The following EIPR1 variants were observed in gnomAD, a reference collection of about 807,000 sequenced individuals.
EIPR1 encodes the protein EARP complex and GARP complex interacting protein 1, also known as EARP and GARP complex-interacting protein 1.
A neutral mutation model predicts 48.1 loss-of-function variants in EIPR1; 25 were observed. The ratio of observed to expected loss-of-function variants is 0.52; its 90% confidence interval spans 0.38 to 0.73. The LOEUF is 0.73. EIPR1 is among the 30% of genes least tolerant of loss of function. The pLI, the probability that EIPR1 is intolerant of heterozygous loss-of-function variation, is 0.00. For missense variants in EIPR1, 415 were observed against 506.2 expected, an observed-to-expected ratio of 0.82 and a Z score of 1.73; for synonymous variants, 204 against 201.9, an observed-to-expected ratio of 1.01 and a Z score of -0.09.
chr2:3,245,889 T>C (rs1666779180), intron 4 of EIPR1, among the ~76,000 whole-genome samples: 2 of 152,150 alleles, frequency 1.3e-5, no homozygotes, highest in South Asian at 4.1e-4. Flanking sequence ...GGAGACCTCA[T>C]CTCTGCCTAA....
chr2:3,282,434 C>T (rs1668040732), intron 3 of EIPR1: 1 of 152,314 alleles, frequency 6.6e-6, no homozygotes, highest in Non-Finnish European at 1.5e-5. Context: ...TCTTGTGTTC[C>T]CTCGTCACTC....
At chr2:3,287,652 T>TCGTTCACCACAATCCGGAAAGCG (rs1572399253) in intron 3 of EIPR1, among the ~76,000 whole-genome samples, 3 of 148,214 alleles carry the variant, frequency 2.0e-5, no homozygotes, top group East Asian at 4.1e-4. Context: ...TCCGGAAAGC[T>TCGTTCACCACAATCCGGAAAGCG]CGTTCACCAC....
intron 3 of EIPR1, chr2:3,319,978 G>A (rs72765341): frequency 0.21 from 35,968 of 171,078 alleles, 6,790 homozygotes; most frequent in East Asian, 0.63. Context: ...CACCCCTGAG[G>A]CAGAGCAATA....
chr2:3,304,224 C>A (rs1668844763), intron 3 of EIPR1, among the ~76,000 whole-genome samples: 1 of 152,182 alleles, frequency 6.6e-6, no homozygotes, highest in Non-Finnish European at 1.5e-5. Flanking sequence ...GCGTGCTGTG[C>A]GCGGGGAGGT....
intron 1 of EIPR1, among the ~76,000 whole-genome samples, chr2:3,364,010 T>G (rs1319808957): frequency 6.6e-6 from 1 of 152,058 alleles, no homozygotes; most frequent in African/African-American, 2.4e-5. Context: ...AGGCAGAAAA[T>G]AGCAGATGCT....
In EIPR1 at chr2:3,275,655, C is replaced by G. The variant is rs146802634; in HGVS notation, c.260-18200G>C. Among the ~76,000 whole-genome samples, 566 of 152,054 alleles carry G rather than the reference C, an allele frequency of 3.7e-3. 1 individual carries two copies. Among genetic ancestry groups the G allele is most frequent in the Admixed American group, 6.8e-3 (104 of 15,272 alleles). On this transcript the variant is annotated intron_variant, in intron 3 of 8. Coordinates refer to ENST00000382125, the MANE Select transcript of EIPR1 (RefSeq NM_003310.5). The stretch of plus-strand genomic sequence containing the variant: ...ATCCCCCTTTTATGGAAAAGAGACT[C>G]CATATCAACATCAGAATTTCTAAAA...
chr2:3,211,624 A>T (rs1665459774), intron 5 of EIPR1, among the ~76,000 whole-genome samples: 1 of 152,324 alleles, frequency 6.6e-6, no homozygotes, highest in South Asian at 2.1e-4. Flanking sequence ...CAATGGAAAC[A>T]CTGTGTTCCT....
At chr2:3,241,370 C>G (rs933361925) in intron 4 of EIPR1, among the ~76,000 whole-genome samples, 1 of 152,176 alleles carries the variant, frequency 6.6e-6, no homozygotes, top group African/African-American at 2.4e-5. Context: ...CTGGAAATAA[C>G]TGCTGTTATT....
At chr2:3,232,423 T>C (rs1388361846) in intron 4 of EIPR1, among the ~76,000 whole-genome samples, 2 of 152,238 alleles carry the variant, frequency 1.3e-5, no homozygotes, top group Admixed American at 1.3e-4. Flanking sequence ...CTTTTTTTCT[T>C]CATGTAGGCA....
At chr2:3,253,017 T>C (rs1667049016) in intron 4 of EIPR1, among the ~76,000 whole-genome samples, 1 of 152,222 alleles carries the variant, frequency 6.6e-6, no homozygotes, top group African/African-American at 2.4e-5. Context: ...ACGTGCCTCA[T>C]TCTACCTCTC....
intron 3 of EIPR1, among the ~76,000 whole-genome samples, chr2:3,305,417 T>C (rs1232525024): frequency 1.7e-3 from 171 of 98,272 alleles, no homozygotes; most frequent in South Asian, 2.5e-3. Context: ...CAATCCCATC[T>C]AGTTCAACCT....
At chr2:3,210,321 T>C (rs907019615) in intron 5 of EIPR1, among the ~76,000 whole-genome samples, 6 of 152,140 alleles carry the variant, frequency 3.9e-5, no homozygotes, top group African/African-American at 1.4e-4. Flanking sequence ...GAACAACTCC[T>C]CATTCAGGGT....
chr2:3,275,515 T>A (rs1168627479), intron 3 of EIPR1, among the ~76,000 whole-genome samples: 1 of 152,086 alleles, frequency 6.6e-6, no homozygotes, highest in East Asian at 1.9e-4. Flanking sequence ...CACAACATAA[T>A]TTTTTTCTCA....
At chr2:3,302,715 G>A (rs1374635357) in intron 3 of EIPR1, among the ~76,000 whole-genome samples, 3 of 152,144 alleles carry the variant, frequency 2.0e-5, no homozygotes, top group Non-Finnish European at 4.4e-5. Flanking sequence ...TGGAACCCCC[G>A]CCACCTTGTC....
chr2:3,205,271 G>T (rs76004059), intron 5 of EIPR1, among the ~76,000 whole-genome samples: 1 of 152,174 alleles, frequency 6.6e-6, no homozygotes, highest in African/African-American at 2.4e-5. Context: ...AACTGTTCTC[G>T]CCAATGACTA....
intron 7 of EIPR1, 72 bp downstream of exon 7, chr2:3,193,927 C>T: frequency 6.5e-7 from 1 of 1,547,956 alleles, no homozygotes; most frequent in Non-Finnish European, 8.8e-7. Flanking sequence ...TGTGTCTTTC[C>T]CAATGGTAAA....
intron 3 of EIPR1, among the ~76,000 whole-genome samples, chr2:3,310,729 T>C (rs1237303374): frequency 6.6e-6 from 1 of 151,864 alleles, no homozygotes; most frequent in Non-Finnish European, 1.5e-5. Context: ...AAGACTGCCT[T>C]ATATTTATAT....
Position 3,338,115 on chromosome 2 carries a change from ATGT to A in EIPR1, c.158_160del (p.Asn53del), listed in dbSNP as rs767325502. 1.9e-5 allele frequency: 30 copies of A among 1,612,324 alleles called. No homozygotes were observed. The highest frequency in any genetic ancestry group is 2.7e-5 in the African/African-American group (2 of 74,814). On this transcript the variant is annotated inframe_deletion, in exon 3 of 9. Transcript: ENST00000382125. ...ATGGAGGAGGACATTTTTATTTATAATGTTGTTTTCATCGTCAAAATCTATGAT... is the reference window on the plus strand; with the variant it reads ...ATGGAGGAGGACATTTTTATTTATAATGTTTTCATCGTCAAAATCTATGAT...
chr2:3,215,055 T>C (rs548068060), intron 4 of EIPR1, among the ~76,000 whole-genome samples: 86 of 152,374 alleles, frequency 5.6e-4, no homozygotes, highest in African/African-American at 1.7e-3. Flanking sequence ...ACCTTGATCC[T>C]GGACTTCCCG....
Sources: allele counts gnomAD v4.1 joint callset (sites outside exome capture counted in the v4.1 genomes callset), GRCh38; gene constraint gnomAD v4.1.1; transcripts MANE v1.5; gene names NCBI Gene and HGNC (gene_info 2026-07-23, HGNC 2026-07-21).